The following NIPBL variants were observed in gnomAD, a reference collection of about 807,000 sequenced individuals.
The protein encoded by NIPBL is nipped-B-like protein.
A neutral mutation model predicts 321.8 loss-of-function variants in NIPBL; 19 were observed. That is an observed-to-expected ratio of 0.06 (90% CI 0.04 to 0.09). The LOEUF is 0.09. NIPBL is among the 10% of genes least tolerant of loss of function. NIPBL has a pLI of 1.00. For synonymous variants in NIPBL, 1,106 were observed against 1,114.1 expected (o/e 0.99, Z 0.14); for missense variants, 2,210 against 3,327.0 (o/e 0.66, Z 8.26).
At chr5:36,904,678 G>C (rs1250100565) in intron 1 of NIPBL, among the ~76,000 whole-genome samples, 1 of 152,150 alleles carries the variant, frequency 6.6e-6, no homozygotes, top group Non-Finnish European at 1.5e-5. Context: ...CACAAGGTTT[G>C]ACTGGCAGAG....
At chr5:37,031,883 T>C (rs1384520163) in intron 32 of NIPBL, among the ~76,000 whole-genome samples, 1 of 152,152 alleles carries the variant, frequency 6.6e-6, no homozygotes, top group Non-Finnish European at 1.5e-5. Flanking sequence ...TTATACAAAA[T>C]TCTAGGAGAG....
intron 4 of NIPBL, among the ~76,000 whole-genome samples, chr5:36,959,786 T>G (rs1425403146): frequency 1.3e-5 from 2 of 152,250 alleles, no homozygotes; most frequent in Non-Finnish European, 2.9e-5. Context: ...ATTTTGTGTT[T>G]TATACTACAT....
intron 1 of NIPBL, among the ~76,000 whole-genome samples, chr5:36,902,316 A>G (rs956063595): frequency 6.6e-6 from 1 of 152,118 alleles, no homozygotes; most frequent in African/African-American, 2.4e-5. Context: ...TGAAGTCTTC[A>G]TCATGAAATC....
intron 3 of NIPBL, among the ~76,000 whole-genome samples, chr5:36,956,613 C>CTTA (rs1740977163): frequency 7.4e-6 from 1 of 135,060 alleles, no homozygotes; most frequent in African/African-American, 2.9e-5. Flanking sequence ...ATCTAAATCA[C>CTTA]TTCTTTTTTT....
intron 1 of NIPBL, among the ~76,000 whole-genome samples, chr5:36,889,424 A>C (rs1286335122): frequency 6.6e-6 from 1 of 152,130 alleles, no homozygotes; most frequent in Non-Finnish European, 1.5e-5. Flanking sequence ...CATATTAAGA[A>C]CTGGGAGGAG....
At chr5:36,913,916 G>C (rs1489939835) in intron 1 of NIPBL, among the ~76,000 whole-genome samples, 1 of 151,958 alleles carries the variant, frequency 6.6e-6, no homozygotes, top group African/African-American at 2.4e-5. Flanking sequence ...AGTCAGAATG[G>C]GATATAATCT....
chr5:36,909,183 A>G (rs998818090), intron 1 of NIPBL, among the ~76,000 whole-genome samples: 8 of 152,152 alleles, frequency 5.3e-5, no homozygotes, highest in Non-Finnish European at 1.0e-4. Flanking sequence ...ATTGAGTACT[A>G]GAAACACCCT....
intron 10 of NIPBL, among the ~76,000 whole-genome samples, chr5:36,987,560 A>G (rs1286235484): frequency 6.6e-6 from 1 of 152,194 alleles, no homozygotes; most frequent in Non-Finnish European, 1.5e-5. Flanking sequence ...AAAACATATT[A>G]TAAAGAACTC....
chr5:37,027,512 T>C, intron 32 of NIPBL, 100 bp downstream of exon 32: 1 of 836,826 alleles, frequency 1.2e-6, no homozygotes. Context: ...AAAAGAACCT[T>C]TTTAGTTCTT....
intron 1 of NIPBL, among the ~76,000 whole-genome samples, chr5:36,941,191 T>TC (rs1181879312): frequency 6.6e-6 from 1 of 152,166 alleles, no homozygotes; most frequent in Non-Finnish European, 1.5e-5. Flanking sequence ...AACTACTCCT[T>TC]CAAGTTCAGG....
intron 1 of NIPBL, among the ~76,000 whole-genome samples, 180 bp downstream of exon 1, chr5:36,877,358 C>T (rs1745165139): frequency 6.6e-6 from 1 of 152,084 alleles, no homozygotes; most frequent in Admixed American, 6.5e-5. Context: ...TGGTTTTGTA[C>T]CCTCTCCCGG....
In NIPBL at chr5:36,958,221, T is replaced by C. The variant is rs1419197381; in HGVS notation, c.348T>C (p.Tyr116=). Residue 116 remains tyrosine (Y), a synonymous_variant, in exon 4 of 47, where the codon TAT becomes TAC. Coordinates refer to ENST00000282516, the MANE Select transcript of NIPBL (RefSeq NM_133433.4). Reference sequence around the variant, plus strand: ...GGGAGAAAAGCATGCAGAACAGATATGTACAAAGTGGTGAGTTTCTTAATA... The same window carrying C: ...GGGAGAAAAGCATGCAGAACAGATACGTACAAAGTGGTGAGTTTCTTAATA... ...VFREKSMQNR[Y]VQSGMMMSQY... is the part of the protein sequence containing the mutation. The C allele has an allele frequency of 5.0e-6, 8 of 1,613,472 alleles. No individual in the cohort carries two copies. The African/African-American group carries it at 5.3e-5, about 11-fold the overall frequency.
At chr5:36,886,228 C>G (rs536322438) in intron 1 of NIPBL, 2 of 660,450 alleles carry the variant, frequency 3.0e-6, no homozygotes, top group South Asian at 3.0e-5. Flanking sequence ...CAACAGAATC[C>G]TGCTGCACCT....
At chr5:36,947,388 C>T (rs1739804580) in intron 1 of NIPBL, among the ~76,000 whole-genome samples, 1 of 151,954 alleles carries the variant, frequency 6.6e-6, no homozygotes, top group Non-Finnish European at 1.5e-5. Context: ...TTTCTGCTTC[C>T]ATCCTCTGTC....
chr5:36,894,109 G>T (rs926207757), intron 1 of NIPBL, among the ~76,000 whole-genome samples: 1 of 152,100 alleles, frequency 6.6e-6, no homozygotes, highest in African/African-American at 2.4e-5. Flanking sequence ...TTAGTTCATA[G>T]TTGCCTTTCT....
chr5:37,030,601 G>C (rs1297862958), intron 32 of NIPBL, among the ~76,000 whole-genome samples: 2 of 151,988 alleles, frequency 1.3e-5, no homozygotes, highest in Non-Finnish European at 2.9e-5. Flanking sequence ...TTTGGATTGG[G>C]TTTTTGGGGT....
At chr5:36,886,522 G>T in intron 1 of NIPBL, 1 of 726,644 alleles carries the variant, frequency 1.4e-6, no homozygotes, top group Admixed American at 1.8e-5. Flanking sequence ...GGTACCCTTT[G>T]GGGAGCAGGA....
At chr5:36,945,485 A>G (rs772179465) in intron 1 of NIPBL, among the ~76,000 whole-genome samples, 1 of 151,632 alleles carries the variant, frequency 6.6e-6, no homozygotes, top group African/African-American at 2.4e-5. Context: ...TCTGCATAAT[A>G]GTACTCAGTA....
intron 44 of NIPBL, 29 bp from the exon 45 acceptor site, chr5:37,060,815 A>G (rs1754586284): frequency 6.3e-7 from 1 of 1,598,584 alleles, no homozygotes; most frequent in Non-Finnish European, 8.6e-7. Flanking sequence ...CATAGTTTTA[A>G]AGTTTTTGGT....
Sources: gnomAD v4.1 joint callset for allele counts (sites outside exome capture counted in the v4.1 genomes callset) on GRCh38, gnomAD v4.1.1 for gene constraint, MANE v1.5 for transcripts, NCBI Gene and HGNC (gene_info 2026-07-23, HGNC 2026-07-21) for gene names.